HNRNPH1: variants seen among roughly 807,000 people sequenced by gnomAD.
HNRNPH1 encodes the protein heterogeneous nuclear ribonucleoprotein H.
HNRNPH1 carries 4 observed loss-of-function variants against 58.6 expected under a neutral mutation model. The ratio of observed to expected loss-of-function variants is 0.07; its 90% CI spans 0.03 to 0.16. The LOEUF (loss-of-function observed/expected upper bound fraction) is 0.16. HNRNPH1 is among the 10% of genes least tolerant of loss of function. The pLI is 1.00. For synonymous variants in HNRNPH1, 192 were observed against 189.2 expected, an observed-to-expected ratio of 1.01 and a Z score of -0.12; for missense variants, 271 against 564.2, an observed-to-expected ratio of 0.48 and a Z score of 5.26.
intron 4 of HNRNPH1, 111 bp downstream of exon 5, chr5:179,619,158 T>C: frequency 1.1e-6 from 1 of 948,714 alleles, no homozygotes; most frequent in African/African-American, 1.7e-5. Context: ...TGGCAAAACA[T>C]CAATTACCTA....
chr5:179,617,079 A>C, exon 9 of HNRNPH1: 1 of 1,614,206 alleles, frequency 6.2e-7, no homozygotes, highest in Non-Finnish European at 8.5e-7. Context: ...CTCCTGCTGT[A>C]GAATTCAAGA....
chr5:179,618,481 G>T, intron 4 of HNRNPH1, 158 bp from the exon 6 acceptor site: 3 of 434,162 alleles, frequency 6.9e-6, no homozygotes, highest in East Asian at 3.6e-5. Flanking sequence ...GCAATGACCA[G>T]AAATTCACTC....
intron 10 of HNRNPH1, chr5:179,616,574 A>G: frequency 2.0e-6 from 1 of 511,706 alleles, no homozygotes; most frequent in Non-Finnish European, 3.5e-6. Flanking sequence ...TTATGCCCAC[A>G]TTTATCTTAA....
chr5:179,622,967 A>G (rs1349976442), intron 1 of HNRNPH1, 70 bp downstream of exon 2: 6 of 73,706 alleles, frequency 8.1e-5, no homozygotes, highest in East Asian at 1.1e-3. Flanking sequence ...GCCCCGCCCC[A>G]GCCCGGCCGC....
chr5:179,617,706 C>T, intron 7 of HNRNPH1, 57 bp from the exon 9 acceptor site: 1 of 1,601,618 alleles, frequency 6.2e-7, no homozygotes. Flanking sequence ...ACAAAAAAAA[C>T]CTAAAATTTC....
At chr5:179,632,266 C>T (rs888675228) in intron 2 of HNRNPH1, among the ~76,000 whole-genome samples, 1 of 151,514 alleles carries the variant, frequency 6.6e-6, no homozygotes, top group African/African-American at 2.4e-5. Context: ...CAAGATCCCG[C>T]CACCGCACTC....
intron 10 of HNRNPH1, 65 bp from the exon 12 acceptor site, chr5:179,616,283 C>A: frequency 8.2e-7 from 1 of 1,215,338 alleles, no homozygotes; most frequent in Non-Finnish European, 1.2e-6. Context: ...TGGTACCGGG[C>A]TTGTAATTCT....
At chr5:179,621,886 C>T in intron 1 of HNRNPH1, 1 of 454,516 alleles carries the variant, frequency 2.2e-6, no homozygotes, top group Non-Finnish European at 4.4e-6. Flanking sequence ...CTCCAAGTTG[C>T]ACAGCTGAAG....
chr5:179,624,484 G>C (rs1308736850), exon 1 of HNRNPH1: 1 of 398,620 alleles, frequency 2.5e-6, no homozygotes, highest in Non-Finnish European at 4.4e-6. Context: ...GAGGGATCGC[G>C]AGCGCGGGCT....
intron 2 of HNRNPH1, among the ~76,000 whole-genome samples, chr5:179,631,376 C>G (rs1581773997): frequency 6.6e-6 from 1 of 152,082 alleles, no homozygotes; most frequent in African/African-American, 2.4e-5. Context: ...CTTTGGGAGG[C>G]CAAGGCAGGC....
chr5:179,620,802 T>C lies in HNRNPH1; in HGVS notation c.397+90A>G, dbSNP rs1023296021. On this transcript the variant is annotated intron_variant, in intron 3 of 12. Coordinates refer to ENST00000356731, the Ensembl canonical transcript of HNRNPH1. ...ATTGGCAATTTACAACCTACTGAAA[T>C]ACCTAAGCTACTCAACTTTAACGTC... The C allele has an allele frequency of 7.7e-5, 85 of 1,104,638 alleles. 1 individual carries two copies. The highest frequency in any genetic ancestry group is 1.6e-5 in the African/African-American group (1 of 63,736). The allele number at this position is 1,104,638 out of a possible 1,614,324, so 68.4% of individuals were successfully genotyped here. A position where few individuals can be genotyped will look rare whatever the true frequency, so the allele number is the denominator to read the frequency against.
At chr5:179,621,093 T>C (rs1041704784) in intron 2 of HNRNPH1, 58 bp from the exon 4 acceptor site, 33 of 1,579,060 alleles carry the variant, frequency 2.1e-5, no homozygotes, top group Non-Finnish European at 2.8e-5. Context: ...AAGTTCAGAC[T>C]TCCTGGGTCT....
chr5:179,623,257 C>G (rs1453784503), exon 1 of HNRNPH1: 4 of 600,354 alleles, frequency 6.7e-6, no homozygotes, highest in Middle Eastern at 2.9e-4. Flanking sequence ...CCCCACGGAG[C>G]AAAAACCGGG....
At chr5:179,617,167 G>A in intron 8 of HNRNPH1, 57 bp from the exon 10 acceptor site, 1 of 1,533,670 alleles carries the variant, frequency 6.5e-7, no homozygotes, top group Middle Eastern at 1.7e-4. Flanking sequence ...AACAGAATAA[G>A]CACTTTTATA....
In HNRNPH1 at chr5:179,617,947, G is replaced by A. The variant is rs1470465434; in HGVS notation, c.788-15C>T. 2.5e-6 allele frequency: 4 copies of A among 1,613,920 alleles called. No individual in the cohort carries two copies. The highest frequency in any genetic ancestry group is 1.3e-5 in the African/African-American group (1 of 74,930). ...GTAATTGAGGTCTAGATGGACAAGA[G>A]TGTAAGCATCCTTCAACTGAGAAAT... is the stretch of plus-strand genomic sequence containing the variant. On this transcript the variant is annotated splice_polypyrimidine_tract_variant and intron_variant, in intron 6 of 12. Coordinates refer to ENST00000356731, the Ensembl canonical transcript of HNRNPH1.
chr5:179,617,176 T>TA (rs1273394257), intron 8 of HNRNPH1, 66 bp from the exon 10 acceptor site: 93 of 1,476,528 alleles, frequency 6.3e-5, no homozygotes, highest in Non-Finnish European at 8.1e-5. Context: ...AGCACTTTTA[T>TA]AAAGTTTTTA....
intron 2 of HNRNPH1, 50 bp downstream of exon 3, chr5:179,621,192 T>C: frequency 6.4e-7 from 1 of 1,568,954 alleles, no homozygotes; most frequent in South Asian, 1.1e-5. Context: ...GGGTGAGACC[T>C]CTATTGTTTA....
Position 179,621,401 on chromosome 5 carries a change from G to A in HNRNPH1, c.98-4C>T, listed in dbSNP as rs1335574453. 2 of 1,612,080 alleles carry A rather than the reference G, an allele frequency of 1.2e-6. No individual in the cohort carries two copies. Among genetic ancestry groups the A allele is most frequent in the Non-Finnish European group, 1.7e-6 (2 of 1,179,440 alleles). ...GCCCCATTTTGAATTTTGCAGTCTG[G>A]AAAGAAAACAACCGTTAATACAGAA... On this transcript the variant is annotated splice_polypyrimidine_tract_variant and splice_region_variant and intron_variant, in intron 1 of 12. Transcript: ENST00000356731.
chr5:179,618,350 T>G (rs766714031), intron 4 of HNRNPH1, 27 bp from the exon 6 acceptor site: 2 of 1,530,980 alleles, frequency 1.3e-6, no homozygotes, highest in African/African-American at 1.4e-5. Context: ...AAGGAAGGGG[T>G]AGGGAGGGGA....
Sources: gnomAD v4.1 joint callset for allele counts (sites outside exome capture counted in the v4.1 genomes callset) on GRCh38, gnomAD v4.1.1 for gene constraint, MANE v1.5 for transcripts, NCBI Gene and HGNC (gene_info 2026-07-23, HGNC 2026-07-21) for gene names.